GFPT1: variants seen among roughly 807,000 people sequenced by gnomAD.
GFPT1 encodes glutamine--fructose-6-phosphate transaminase 1.
In GFPT1, 40 loss-of-function variants were observed where a neutral mutation model predicts 92.0. That is an observed-to-expected ratio of 0.43 (90% confidence interval 0.34 to 0.57). The LOEUF (loss-of-function observed/expected upper bound fraction) is 0.57. Ranked by LOEUF, GFPT1 falls within the 20% of genes least tolerant of loss-of-function variation. GFPT1 has a pLI of 0.02. For synonymous variants in GFPT1, 269 were observed against 280.6 expected, an observed-to-expected ratio of 0.96 and a Z score of 0.41; for missense variants, 448 against 869.1, an observed-to-expected ratio of 0.52 and a Z score of 6.09.
At chr2:69,384,295 C>T (rs1000282181) in intron 1 of GFPT1, among the ~76,000 whole-genome samples, 2 of 152,120 alleles carry the variant, frequency 1.3e-5, no homozygotes, top group African/African-American at 4.8e-5. Flanking sequence ...TTATTAACAT[C>T]CCAATACAAG....
chr2:69,368,498 C>G (rs976900077), intron 3 of GFPT1, among the ~76,000 whole-genome samples: 1 of 151,608 alleles, frequency 6.6e-6, no homozygotes, highest in Non-Finnish European at 1.5e-5. Flanking sequence ...GAGGCCGAGG[C>G]AGGCGAATCA....
At position 69,321,428 on chromosome 2, in the gene GFPT1, C is replaced by T. The variant is rs886056236; in HGVS notation, c.*4761G>A. ...CAGAAATGTTTACAACTAAAGTAGA[C>T]ATTGATTACATTCTTAGTACAATAC... is the stretch of plus-strand genomic sequence containing the variant. On this transcript the variant is annotated 3_prime_UTR_variant, in exon 20 of 20. Transcript: ENST00000357308. 5.9e-5 allele frequency: 9 copies of T among 152,318 alleles called. No homozygotes were observed. In the East Asian group the frequency reaches 1.2e-3, roughly 20 times the overall value. 9.4% of individuals were successfully genotyped at this position (152,318 alleles called of 1,614,324 possible).
At chr2:69,382,052 T>A (rs1453112311) in intron 1 of GFPT1, among the ~76,000 whole-genome samples, 1 of 151,568 alleles carries the variant, frequency 6.6e-6, no homozygotes, top group Non-Finnish European at 1.5e-5. Context: ...TTAGTAGAGA[T>A]GGGGCTTCGC....
Position 69,364,322 on chromosome 2 carries a change from A to G in GFPT1, c.224-652T>C, listed in dbSNP as rs971093143. ...AATACAGAGTTAAAGCAAACATGAC[A>G]AAATTTTAATAACAGATAAAGTTAG... is the stretch of plus-strand genomic sequence containing the variant. On this transcript the variant is annotated intron_variant, in intron 3 of 19. Transcript: ENST00000357308. Among the ~76,000 whole-genome samples, 17 of 152,330 alleles carry G rather than the reference A, an allele frequency of 1.1e-4. No individual in the cohort carries two copies. The South Asian group carries it at 3.5e-3, about 32-fold the overall frequency.
chr2:69,385,196 TG>T (rs1194138685), intron 1 of GFPT1, among the ~76,000 whole-genome samples: 1 of 152,192 alleles, frequency 6.6e-6, no homozygotes, highest in African/African-American at 2.4e-5. Context: ...TATCTGAACC[TG>T]ATTTCCATAT....
intron 17 of GFPT1, among the ~76,000 whole-genome samples, chr2:69,328,686 T>C (rs1670588432): frequency 6.7e-6 from 1 of 148,856 alleles, no homozygotes; most frequent in South Asian, 2.1e-4. Flanking sequence ...AACATATTCA[T>C]ATTTCTGGTT....
intron 1 of GFPT1, among the ~76,000 whole-genome samples, chr2:69,374,982 C>A (rs1558780200): frequency 6.6e-6 from 1 of 152,126 alleles, no homozygotes; most frequent in Non-Finnish European, 1.5e-5. Context: ...AACCACATAA[C>A]AACCCTTGAA....
At chr2:69,350,617 A>T (rs1228613401) in intron 9 of GFPT1, among the ~76,000 whole-genome samples, 1 of 152,138 alleles carries the variant, frequency 6.6e-6, no homozygotes, top group Non-Finnish European at 1.5e-5. Context: ...TGCAACGAAA[A>T]ATAAAATGAA....
chr2:69,327,662 A>G (rs956229575), intron 18 of GFPT1, among the ~76,000 whole-genome samples: 2 of 152,140 alleles, frequency 1.3e-5, no homozygotes, highest in African/African-American at 4.8e-5. Flanking sequence ...AAATATTTTA[A>G]AATACATTTT....
chr2:69,350,319 TA>T, intron 9 of GFPT1, 136 bp from the exon 10 acceptor site: 1 of 671,212 alleles, frequency 1.5e-6, no homozygotes, highest in Non-Finnish European at 2.7e-6. Context: ...AAAAGCCAAG[TA>T]GATCACCTTA....
chr2:69,352,827 C>T (rs1671244153), intron 9 of GFPT1, among the ~76,000 whole-genome samples: 1 of 151,218 alleles, frequency 6.6e-6, no homozygotes, highest in Non-Finnish European at 1.5e-5. Flanking sequence ...GGGCGGATCA[C>T]CTGAGGTCAG....
Position 69,373,990 on chromosome 2 carries a change from A to AT in GFPT1, c.115+15dup, listed in dbSNP as rs758929556. 70 of 1,133,182 alleles carry AT rather than the reference A, an allele frequency of 6.2e-5. No homozygotes were observed. The highest frequency in any genetic ancestry group is 8.5e-5 in the Admixed American group (5 of 59,078). The allele number at this position is 1,133,182 out of a possible 1,614,324, so 70.2% of individuals were successfully genotyped here. A position where few individuals can be genotyped will look rare whatever the true frequency, so the allele number is the denominator to read the frequency against. ...TAAAGAATCATGCAAAATCCATAGTATTTTTTTTAAAGTACCAGCAGAATC... is the reference window on the plus strand; with the variant it reads ...TAAAGAATCATGCAAAATCCATAGTATTTTTTTTTAAAGTACCAGCAGAATC... On this transcript the variant is annotated intron_variant, in intron 2 of 19. Transcript: ENST00000357308.
chr2:69,330,701 T>C (rs1200221333), intron 15 of GFPT1, among the ~76,000 whole-genome samples: 1 of 152,182 alleles, frequency 6.6e-6, no homozygotes, highest in East Asian at 1.9e-4. Context: ...GAATATTGCC[T>C]TAAAGTTTTT....
At position 69,342,222 on chromosome 2, in the gene GFPT1, A is replaced by G. The variant is rs1344356435; in HGVS notation, c.1133T>C (p.Ile378Thr). The G allele has an allele frequency of 6.2e-7, 1 of 1,609,558 alleles. No individual in the cohort carries two copies. Among genetic ancestry groups the G allele is most frequent in the Non-Finnish European group, 8.5e-7 (1 of 1,175,870 alleles). Reference protein sequence around the residue: ...TVNLGGLKDHIKEIQRCRRLI... With the variant: ...TVNLGGLKDHTKEIQRCRRLI... ...ACGCCGGCATCTCTGGATCTCCTTT[A>G]TGTGATCCTTCAAACCACCCAAATT... Residue 378 changes from isoleucine (I) to threonine (T), a missense_variant, in exon 13 of 20, where the codon ATA becomes ACA. Ile to Thr is a moderately conservative substitution (Grantham distance 89). Coordinates refer to ENST00000357308, the MANE Select transcript of GFPT1 (RefSeq NM_001244710.2).
intron 11 of GFPT1, 72 bp downstream of exon 11, chr2:69,348,099 A>C (rs1323605251): frequency 1.7e-6 from 2 of 1,163,208 alleles, no homozygotes; most frequent in African/African-American, 3.0e-5. Flanking sequence ...TAGATTTAAT[A>C]TGCTAGGAAA....
rs1670504015 is a variant in GFPT1, at chr2:69,325,395, T to C, written c.*794A>G. ...AGATACAAGGAAATAAAAACCACTT[T>C]TAGGAGATGAAAACACAAAGTAGTA... On this transcript the variant is annotated 3_prime_UTR_variant, in exon 20 of 20. Coordinates refer to ENST00000357308, the MANE Select transcript of GFPT1 (RefSeq NM_001244710.2). 6.6e-6 allele frequency: 1 copy of C among 152,146 alleles called. No individual in the cohort carries two copies. Among genetic ancestry groups the C allele is most frequent in the Non-Finnish European group, 1.5e-5 (1 of 68,000 alleles). 9.4% of individuals were successfully genotyped at this position (152,146 alleles called of 1,614,324 possible).
intron 8 of GFPT1, 43 bp downstream of exon 8, chr2:69,354,446 A>G (rs1671285246): frequency 2.2e-6 from 3 of 1,339,544 alleles, no homozygotes; most frequent in Non-Finnish European, 2.2e-6. Flanking sequence ...AAGGAAAATA[A>G]TTCTTCATAT....
chr2:69,386,654 C>T (rs974848074), intron 1 of GFPT1, among the ~76,000 whole-genome samples: 7 of 152,214 alleles, frequency 4.6e-5, no homozygotes, highest in African/African-American at 1.7e-4. Context: ...TAGAAAAATG[C>T]AAGGTAAGTT....
At chr2:69,384,781 GA>G (rs762917261) in intron 1 of GFPT1, among the ~76,000 whole-genome samples, 1 of 147,578 alleles carries the variant, frequency 6.8e-6, no homozygotes, top group Non-Finnish European at 1.5e-5. Flanking sequence ...GAAAGAAAAA[GA>G]AAGAAAGAAA....
Sources: allele counts gnomAD v4.1 joint callset (sites outside exome capture counted in the v4.1 genomes callset), GRCh38; gene constraint gnomAD v4.1.1; transcripts MANE v1.5; gene names NCBI Gene and HGNC (gene_info 2026-07-23, HGNC 2026-07-21).